Variants in KCNQ1OT1 observed in about 807,000 individuals in gnomAD.
The protein encoded by KCNQ1OT1 is KCNQ1 antisense RNA 2 (non-protein coding).
rs1190759337 is a variant in KCNQ1OT1 at position 2,670,677 on chromosome 11, A to G, written n.29318T>C. 1 of 398,582 alleles carries G rather than the reference A, an allele frequency of 2.5e-6. No homozygotes were observed. Among genetic ancestry groups the G allele is most frequent in the African/African-American group, 2.1e-5 (1 of 48,622 alleles). The allele number at this position is 398,582 out of a possible 1,614,324, so 24.7% of individuals were successfully genotyped here. ...CTGAAGATTGGTAGGAAGGCAGTGT[A>G]GCAGTAACAAGACAAAGGGATTCTG... is the stretch of plus-strand genomic sequence containing the variant. On this transcript the variant is annotated non_coding_transcript_exon_variant, in exon 1 of 1. Coordinates refer to ENST00000597346, the Ensembl canonical transcript of KCNQ1OT1. This position sits in a 1 kb window ranked among gnomAD's most constrained non-coding sequence, Gnocchi z 4.9.
At chr11:2,646,200 G>A (rs1256056004) in exon 1 of KCNQ1OT1, 2 of 398,478 alleles carry the variant, frequency 5.0e-6, no homozygotes, top group Admixed American at 4.4e-5. Context: ...GCTATATTTT[G>A]TGGAGGAGGT....
chr11:2,620,093 C>A lies in KCNQ1OT1; in HGVS notation n.79902G>T. 1 of 398,130 alleles carries A rather than the reference C, an allele frequency of 2.5e-6. No homozygotes were observed. The highest frequency in any genetic ancestry group is 3.6e-5 in the East Asian group (1 of 28,044). The allele number at this position is 398,130 out of a possible 1,614,324, so 24.7% of individuals were successfully genotyped here. ...TTACTCAGTGTTTAGGTCCCACTTG[C>A]AAGTGGTAACATGCAGTATTTGGTT... On this transcript the variant is annotated non_coding_transcript_exon_variant, in exon 1 of 1. Coordinates refer to ENST00000597346, the Ensembl canonical transcript of KCNQ1OT1. This position sits in a 1 kb window ranked among gnomAD's most constrained non-coding sequence, Gnocchi z 4.5.
chr11:2,621,440 C>A lies in KCNQ1OT1; in HGVS notation n.78555G>T, dbSNP rs546366368. ...GTTTAAGTTCCTTATGGATTCTGGA[C>A]ATAGGACCTTTGCCAGATGAATAGT... On this transcript the variant is annotated non_coding_transcript_exon_variant, in exon 1 of 1. Transcript: ENST00000597346. The surrounding 1 kb of genome is among the most constrained non-coding windows in gnomAD (Gnocchi z 5.7). The A allele has an allele frequency of 7.3e-5, 29 of 398,554 alleles. No individual in the cohort carries two copies. In the South Asian group the frequency reaches 3.6e-3, roughly 49 times the overall value. 24.7% of individuals were successfully genotyped at this position (398,554 alleles called of 1,614,324 possible). A position where few individuals can be genotyped will look rare whatever the true frequency, so the allele number is the denominator to read the frequency against.
At chr11:2,640,908 A>G (rs1849566177) in exon 1 of KCNQ1OT1, 1 of 399,548 alleles carries the variant, frequency 2.5e-6, no homozygotes, top group Admixed American at 4.4e-5. Flanking sequence ...GCTCCCACAT[A>G]TGATAATAAC....
At chr11:2,681,294 T>C in exon 1 of KCNQ1OT1, 1 of 398,596 alleles carries the variant, frequency 2.5e-6, no homozygotes, top group Non-Finnish European at 4.4e-6. Context: ...CTTCCTGTCC[T>C]ACCAGCCCAC....
chr11:2,627,267 C>G lies in KCNQ1OT1; in HGVS notation n.72728G>C. ...CCTACTGTGAAATGATTACTACAAT[C>G]AAGCCAATTAACATATACCTTACAT... On this transcript the variant is annotated non_coding_transcript_exon_variant, in exon 1 of 1. Coordinates refer to ENST00000597346, the Ensembl canonical transcript of KCNQ1OT1. This position sits in a 1 kb window ranked among gnomAD's most constrained non-coding sequence, Gnocchi z 4.9. 1 of 398,482 alleles carries G rather than the reference C, an allele frequency of 2.5e-6. No homozygotes were observed. Among genetic ancestry groups the G allele is most frequent in the East Asian group, 3.6e-5 (1 of 28,056 alleles). The allele number at this position is 398,482 out of a possible 1,614,324, so 24.7% of individuals were successfully genotyped here.
At chr11:2,656,872 G>C (rs940529857) in exon 1 of KCNQ1OT1, 4 of 398,408 alleles carry the variant, frequency 1.0e-5, no homozygotes, top group Non-Finnish European at 1.8e-5. Flanking sequence ...CAATCCCCTA[G>C]AATGACAAGA....
rs1850331829 is a variant in KCNQ1OT1 at position 2,678,502 on chromosome 11, C to G, written n.21493G>C. 2.5e-6 allele frequency: 1 copy of G among 398,458 alleles called. No homozygotes were observed. The highest frequency in any genetic ancestry group is 2.1e-5 in the African/African-American group (1 of 48,628). 24.7% of individuals were successfully genotyped at this position (398,458 alleles called of 1,614,324 possible). On this transcript the variant is annotated non_coding_transcript_exon_variant, in exon 1 of 1. Coordinates refer to ENST00000597346, the Ensembl canonical transcript of KCNQ1OT1. The surrounding 1 kb of genome is among the most constrained non-coding windows in gnomAD (Gnocchi z 4.9). ...ACTCTCATTTAATTTGTGTCCATTT[C>G]TAGACTCTATTCTGGACTGCTGATG...
chr11:2,613,951 C>T lies in KCNQ1OT1; in HGVS notation n.86044G>A, dbSNP rs1358216590. On this transcript the variant is annotated non_coding_transcript_exon_variant, in exon 1 of 1. Transcript: ENST00000597346. The surrounding 1 kb of genome is among the most constrained non-coding windows in gnomAD (Gnocchi z 4.8). ...TTTGAACTTTGCTTTTCTCACCTAA[C>T]AACATCTCCTAGAAATCACTCAACA... The T allele has an allele frequency of 2.5e-6, 1 of 398,474 alleles. No individual in the cohort carries two copies. Among genetic ancestry groups the T allele is most frequent in the Non-Finnish European group, 4.4e-6 (1 of 226,054 alleles). The allele number at this position is 398,474 out of a possible 1,614,324, so 24.7% of individuals were successfully genotyped here.
chr11:2,639,386 T>G (rs1198278459), exon 1 of KCNQ1OT1: 2 of 152,194 alleles, frequency 1.3e-5, no homozygotes, highest in African/African-American at 4.8e-5. Context: ...ATAGATGGAG[T>G]TTTGGTGTGG....
At chr11:2,634,160 T>TTC (rs1243363648) in exon 1 of KCNQ1OT1, 14 of 396,676 alleles carry the variant, frequency 3.5e-5, no homozygotes, top group African/African-American at 2.7e-4. Context: ...GATTTCTCTT[T>TTC]TCTCTCTCTC....
At chr11:2,680,623 A>G (rs1036818498) in exon 1 of KCNQ1OT1, 2 of 398,618 alleles carry the variant, frequency 5.0e-6, no homozygotes, top group African/African-American at 4.1e-5. Flanking sequence ...ACTGTAGTAC[A>G]ATATTCTGAC....
At position 2,661,799 on chromosome 11, in the gene KCNQ1OT1, C is replaced by T. The variant is rs972241366; in HGVS notation, n.38196G>A. 9.9e-6 allele frequency: 8 copies of T among 805,704 alleles called. No homozygotes were observed. Among genetic ancestry groups the T allele is most frequent in the Admixed American group, 2.1e-5 (1 of 48,506 alleles). 49.9% of individuals were successfully genotyped at this position (805,704 alleles called of 1,614,324 possible). A position where few individuals can be genotyped will look rare whatever the true frequency, so the allele number is the denominator to read the frequency against. ...GGCACTTTGGGGCCATCTTAAACAC[C>T]CACCCACCCCAACACCCAACTATAA... On this transcript the variant is annotated non_coding_transcript_exon_variant, in exon 1 of 1. Transcript: ENST00000597346. This position sits in a 1 kb window ranked among gnomAD's most constrained non-coding sequence, Gnocchi z 5.9.
At chr11:2,615,983 G>A (rs1293134590) in exon 1 of KCNQ1OT1, 6 of 397,994 alleles carry the variant, frequency 1.5e-5, no homozygotes, top group Non-Finnish European at 2.7e-5. Flanking sequence ...GACGCCATCT[G>A]TGTAGCATTT....
chr11:2,693,144 C>G, exon 1 of KCNQ1OT1: 1 of 398,684 alleles, frequency 2.5e-6, no homozygotes, highest in Non-Finnish European at 4.4e-6. Context: ...CCAGATAGCC[C>G]TCAGTCTACA....
In KCNQ1OT1 at chr11:2,664,400, G is replaced by A; in HGVS notation, n.35595C>T. 1 of 398,754 alleles carries A rather than the reference G, an allele frequency of 2.5e-6. No homozygotes were observed. The highest frequency in any genetic ancestry group is 4.4e-6 in the Non-Finnish European group (1 of 226,154). 24.7% of individuals were successfully genotyped at this position (398,754 alleles called of 1,614,324 possible). A position where few individuals can be genotyped will look rare whatever the true frequency, so the allele number is the denominator to read the frequency against. ...GGTCCCTCCAGAGAGGCCTGAAGGG[G>A]AGAGTGGGCACGTACAGTGTCAGGG... On this transcript the variant is annotated non_coding_transcript_exon_variant, in exon 1 of 1. Transcript: ENST00000597346. This position sits in a 1 kb window ranked among gnomAD's most constrained non-coding sequence, Gnocchi z 5.1.
At position 2,687,051 on chromosome 11, in the gene KCNQ1OT1, G is replaced by A. The variant is rs765209301; in HGVS notation, n.12944C>T. Reference sequence around the variant, plus strand: ...AAACTCAGCAGTCCCAGCTCTGGGGGACAAGGACCCACAAAGTGATGCAAG... The same window carrying A: ...AAACTCAGCAGTCCCAGCTCTGGGGAACAAGGACCCACAAAGTGATGCAAG... On this transcript the variant is annotated non_coding_transcript_exon_variant, in exon 1 of 1. Coordinates refer to ENST00000597346, the Ensembl canonical transcript of KCNQ1OT1. The surrounding 1 kb of genome is among the most constrained non-coding windows in gnomAD (Gnocchi z 5.0). The A allele has an allele frequency of 4.0e-4, 158 of 398,518 alleles. No homozygotes were observed. The highest frequency in any genetic ancestry group is 6.1e-4 in the Non-Finnish European group (137 of 226,100). The allele number at this position is 398,518 out of a possible 1,614,324, so 24.7% of individuals were successfully genotyped here.
exon 1 of KCNQ1OT1, chr11:2,648,968 CTT>C: frequency 2.7e-6 from 1 of 369,122 alleles, no homozygotes. Flanking sequence ...TCCTTTGTCT[CTT>C]TTTTCTTTTT....
At position 2,674,994 on chromosome 11, in the gene KCNQ1OT1, C is replaced by A; in HGVS notation, n.25001G>T. The A allele has an allele frequency of 7.5e-6, 3 of 398,548 alleles. No homozygotes were observed. Among genetic ancestry groups the A allele is most frequent in the Admixed American group, 4.4e-5 (1 of 22,722 alleles). 24.7% of individuals were successfully genotyped at this position (398,548 alleles called of 1,614,324 possible). A position where few individuals can be genotyped will look rare whatever the true frequency, so the allele number is the denominator to read the frequency against. On this transcript the variant is annotated non_coding_transcript_exon_variant, in exon 1 of 1. Coordinates refer to ENST00000597346, the Ensembl canonical transcript of KCNQ1OT1. This position sits in a 1 kb window ranked among gnomAD's most constrained non-coding sequence, Gnocchi z 5.9. ...GTTTCCTCTTACAGTGGCGGGCACT[C>A]AGCCGGCTTCTTCCCGCCTGACTTC...
Sources: allele counts gnomAD v4.1 joint callset, GRCh38; gene constraint gnomAD v4.1.1; non-coding constraint Gnocchi (gnomAD v3.1); transcripts MANE v1.5; gene names NCBI Gene and HGNC (gene_info 2026-07-23, HGNC 2026-07-21).